PLCXD2: variants seen among roughly 807,000 people sequenced by gnomAD.
PLCXD2 encodes the protein PI-PLC X domain-containing protein 2.
In PLCXD2, 21 loss-of-function variants were observed where a neutral mutation model predicts 28.6. That is an observed-to-expected ratio of 0.73 (90% confidence interval 0.52 to 1.06). The LOEUF is 1.06. Among genes scored for constraint, PLCXD2 ranks in the 50% least tolerant of loss-of-function variants. The pLI, the probability that PLCXD2 is intolerant of heterozygous loss-of-function variation, is 0.00. For synonymous variants in PLCXD2, 140 were observed against 150.1 expected, an observed-to-expected ratio of 0.93 and a Z score of 0.49; for missense variants, 369 against 376.7, an observed-to-expected ratio of 0.98 and a Z score of 0.17.
At chr3:111,696,662 A>G (rs1439379800) in intron 1 of PLCXD2, among the ~76,000 whole-genome samples, 5 of 152,334 alleles carry the variant, frequency 3.3e-5, no homozygotes, top group African/African-American at 7.2e-5. Flanking sequence ...GATAAAATAG[A>G]CAAGCTTTAA....
At position 111,708,056 on chromosome 3, in the gene PLCXD2, G is replaced by A. The variant is rs1261812994; in HGVS notation, c.294G>A (p.Gln98=). ...TAATGAAGAAGTGGTCTGTGACTCA[G>A]AACCTGACATTTCGAGAACAGCTGG... The change falls in exon 2 of 5, where the codon CAG becomes CAA. Residue 98 remains glutamine, a synonymous_variant. Transcript: ENST00000477665. 6.2e-7 allele frequency: 1 copy of A among 1,614,088 alleles called. No individual in the cohort carries two copies. Among genetic ancestry groups the A allele is most frequent in the Non-Finnish European group, 8.5e-7 (1 of 1,180,046 alleles).
intron 1 of PLCXD2, among the ~76,000 whole-genome samples, chr3:111,678,041 G>A (rs561360827): frequency 6.6e-6 from 1 of 152,190 alleles, no homozygotes. Flanking sequence ...TATCAGGATG[G>A]TGATGAGGCG....
chr3:111,710,130 C>T (rs759691070), intron 2 of PLCXD2, among the ~76,000 whole-genome samples: 1 of 152,206 alleles, frequency 6.6e-6, no homozygotes, highest in Admixed American at 6.5e-5. Flanking sequence ...TGTTTTTGCG[C>T]ACCCTGAGAA....
intron 2 of PLCXD2, among the ~76,000 whole-genome samples, chr3:111,713,331 G>C (rs1374228459): frequency 1.3e-5 from 2 of 152,166 alleles, no homozygotes; most frequent in African/African-American, 4.8e-5. Context: ...CATAGATTAT[G>C]AGGGCAGGCG....
intron 2 of PLCXD2, among the ~76,000 whole-genome samples, chr3:111,709,853 C>T (rs1191807717): frequency 2.6e-5 from 4 of 152,138 alleles, no homozygotes; most frequent in African/African-American, 4.8e-5. Flanking sequence ...TCACTCTAAG[C>T]GAGGAGAGTT....
At chr3:111,716,387 G>A (rs1282723640) in intron 3 of PLCXD2, among the ~76,000 whole-genome samples, 2 of 152,194 alleles carry the variant, frequency 1.3e-5, no homozygotes, top group African/African-American at 4.8e-5. Context: ...TCTTACAAAT[G>A]TAGAGGTGGT....
rs1940601301 is a variant in PLCXD2, at chr3:111,675,206, T to C, written c.-40T>C. ...CAAGAAGTGATGATCACTGAGTGAG[T>C]GGCACTGGGCTGAGACTGGCCAGTT... On this transcript the variant is annotated 5_prime_UTR_variant, in exon 1 of 5. Coordinates refer to ENST00000477665, the MANE Select transcript of PLCXD2 (RefSeq NM_001185106.1). 8 of 1,591,674 alleles carry C rather than the reference T, an allele frequency of 5.0e-6. No individual in the cohort carries two copies. In the African/African-American group the frequency reaches 8.1e-5, roughly 16 times the overall value.
chr3:111,707,754 C>G (rs1363414392), intron 1 of PLCXD2, among the ~76,000 whole-genome samples, 172 bp from the exon 2 acceptor site: 1 of 152,132 alleles, frequency 6.6e-6, no homozygotes, highest in Non-Finnish European at 1.5e-5. Context: ...CATTACTTTT[C>G]TTTGTGTTTA....
intron 3 of PLCXD2, chr3:111,723,115 T>C (rs1473099865): frequency 6.6e-6 from 1 of 152,260 alleles, no homozygotes; most frequent in African/African-American, 2.4e-5. Context: ...CATTTCATTT[T>C]GCTTTTGTTT....
intron 1 of PLCXD2, among the ~76,000 whole-genome samples, chr3:111,684,194 G>C (rs1007689723): frequency 6.7e-6 from 1 of 149,676 alleles, no homozygotes; most frequent in East Asian, 2.0e-4. Context: ...GCTGGGCATG[G>C]TGGCATGCAC....
intron 2 of PLCXD2, among the ~76,000 whole-genome samples, chr3:111,712,929 T>C (rs1413296974): frequency 6.6e-6 from 1 of 152,228 alleles, no homozygotes; most frequent in East Asian, 1.9e-4. Flanking sequence ...ATGCTGTGGA[T>C]GTAGCTTGCT....
intron 3 of PLCXD2, among the ~76,000 whole-genome samples, chr3:111,718,563 C>T (rs973306320): frequency 4.6e-5 from 7 of 151,636 alleles, no homozygotes; most frequent in Non-Finnish European, 1.0e-4. Flanking sequence ...TGTTTTAGCC[C>T]GTGGCTGATT....
intron 2 of PLCXD2, among the ~76,000 whole-genome samples, chr3:111,710,205 T>A (rs745772336): frequency 2.0e-5 from 3 of 152,220 alleles, no homozygotes; most frequent in Non-Finnish European, 2.9e-5. Flanking sequence ...CTAAAGTCTA[T>A]CTAAACAAGT....
intron 3 of PLCXD2, chr3:111,722,498 AGT>A (rs1941360378): frequency 6.6e-6 from 1 of 152,244 alleles, no homozygotes; most frequent in African/African-American, 2.4e-5. Flanking sequence ...TTAGTTCATA[AGT>A]AGACCCTCCA....
chr3:111,722,998 A>G (rs923719196), intron 3 of PLCXD2: 4 of 152,190 alleles, frequency 2.6e-5, no homozygotes, highest in African/African-American at 9.7e-5. Context: ...GATAAGAGTA[A>G]GTAAGTGTGT....
At chr3:111,698,683 T>C (rs1220297825) in intron 1 of PLCXD2, among the ~76,000 whole-genome samples, 3 of 152,162 alleles carry the variant, frequency 2.0e-5, no homozygotes, top group African/African-American at 7.2e-5. Flanking sequence ...ACCTTATGGA[T>C]GGGAGGGAAA....
chr3:111,677,968 A>G (rs1940649338), intron 1 of PLCXD2, among the ~76,000 whole-genome samples: 1 of 152,180 alleles, frequency 6.6e-6, no homozygotes, highest in South Asian at 2.1e-4. Context: ...TAGTGCTTCA[A>G]CCTGTTGTGT....
intron 1 of PLCXD2, among the ~76,000 whole-genome samples, chr3:111,688,909 C>T (rs1398398973): frequency 6.6e-6 from 1 of 151,318 alleles, no homozygotes; most frequent in Non-Finnish European, 1.5e-5. Flanking sequence ...ATATATATAG[C>T]TATTATTATT....
rs1941406975 is a variant in PLCXD2, at chr3:111,725,715, T to G, written c.867-6904T>G. 1.8e-5 allele frequency: 7 copies of G among 398,510 alleles called. No individual in the cohort carries two copies. In the East Asian group the frequency reaches 2.5e-4, roughly 14 times the overall value. The allele number at this position is 398,510 out of a possible 1,614,324, so 24.7% of individuals were successfully genotyped here. ...TCTCCAGCAAAACTTTTAGGACTTT[T>G]CAAACTCATTTCTAAGCCAAATAGT... On this transcript the variant is annotated intron_variant, in intron 3 of 4. Coordinates refer to ENST00000477665, the MANE Select transcript of PLCXD2 (RefSeq NM_001185106.1).
Sources: allele counts gnomAD v4.1 joint callset (sites outside exome capture counted in the v4.1 genomes callset), GRCh38; gene constraint gnomAD v4.1.1; transcripts MANE v1.5; gene names NCBI Gene and HGNC (gene_info 2026-07-23, HGNC 2026-07-21).